Variants in ARB2A observed in about 807,000 individuals in gnomAD.
ARB2A encodes the protein cotranscriptional regulator ARB2A.
At chr5:93,623,627 C>A in the ARB2A span, among the ~76,000 whole-genome samples, 1 of 152,212 alleles carries the variant, frequency 6.6e-6, no homozygotes, top group African/African-American at 2.4e-5. Flanking sequence ...ACTGAAAAGA[C>A]CAGAGTCCCT....
chr5:93,808,174 C>A, the ARB2A span, among the ~76,000 whole-genome samples: 1 of 151,884 alleles, frequency 6.6e-6, no homozygotes, highest in African/African-American at 2.4e-5. Context: ...TCATACTGCC[C>A]GCGAATTCTT....
At chr5:93,642,824 T>C in the ARB2A span, among the ~76,000 whole-genome samples, 10 of 152,264 alleles carry the variant, frequency 6.6e-5, no homozygotes, top group South Asian at 2.1e-4. Flanking sequence ...CCAGCCCCTA[T>C]TGACAATTAC....
the ARB2A span, among the ~76,000 whole-genome samples, chr5:94,037,217 C>A: frequency 1.3e-5 from 2 of 152,088 alleles, no homozygotes; most frequent in African/African-American, 4.8e-5. Context: ...ATTATGTCAG[C>A]AACTGTTTTG....
chr5:93,724,864 C>T, the ARB2A span, among the ~76,000 whole-genome samples: 1 of 151,858 alleles, frequency 6.6e-6, no homozygotes, highest in South Asian at 2.1e-4. Context: ...CTACTCTTGC[C>T]CTTTGGGGTC....
chr5:93,955,563 C>A, the ARB2A span, among the ~76,000 whole-genome samples: 1 of 152,174 alleles, frequency 6.6e-6, no homozygotes, highest in Non-Finnish European at 1.5e-5. Flanking sequence ...ATTATTAAAA[C>A]TAATACCTAG....
chr5:93,762,128 T>C, the ARB2A span, among the ~76,000 whole-genome samples: 1 of 151,972 alleles, frequency 6.6e-6, no homozygotes, highest in Non-Finnish European at 1.5e-5. Context: ...AACTGGAAAC[T>C]CTAAAAATCA....
the ARB2A span, among the ~76,000 whole-genome samples, chr5:93,716,216 T>C: frequency 6.6e-6 from 1 of 152,220 alleles, no homozygotes; most frequent in Non-Finnish European, 1.5e-5. Flanking sequence ...TAGCCACGTA[T>C]AAATCTTGCT....
the ARB2A span, among the ~76,000 whole-genome samples, chr5:93,906,751 C>T: frequency 2.6e-5 from 4 of 151,462 alleles, no homozygotes; most frequent in African/African-American, 4.8e-5. Flanking sequence ...ACCCTACTTT[C>T]TGCTAACCCC....
chr5:94,035,331 T>A, the ARB2A span, among the ~76,000 whole-genome samples: 76 of 152,212 alleles, frequency 5.0e-4, 1 homozygote, highest in African/African-American at 1.8e-3. Flanking sequence ...GGAAATATAT[T>A]TTTTAAACAT....
At chr5:93,957,261 T>C in the ARB2A span, among the ~76,000 whole-genome samples, 1 of 152,178 alleles carries the variant, frequency 6.6e-6, no homozygotes, top group African/African-American at 2.4e-5. Context: ...AAGGCTTAGG[T>C]GATCTATAGC....
chr5:93,798,003 T>C, the ARB2A span, among the ~76,000 whole-genome samples: 1 of 151,886 alleles, frequency 6.6e-6, no homozygotes, highest in African/African-American at 2.4e-5. Context: ...AAAGAAGAAA[T>C]CTAGATTGAA....
chr5:93,645,749 A>G, the ARB2A span, among the ~76,000 whole-genome samples: 23 of 152,334 alleles, frequency 1.5e-4, no homozygotes, highest in Admixed American at 3.9e-4. Context: ...TATTTTATAC[A>G]TGCAAGACAA....
chr5:93,870,605 A>G, the ARB2A span, among the ~76,000 whole-genome samples: 16 of 152,192 alleles, frequency 1.1e-4, no homozygotes, highest in Non-Finnish European at 1.9e-4. Context: ...TGTCTATTTC[A>G]CTGTATTGAC....
chr5:93,675,797 G>A, the ARB2A span, among the ~76,000 whole-genome samples: 9 of 152,166 alleles, frequency 5.9e-5, no homozygotes, highest in Non-Finnish European at 1.0e-4. Flanking sequence ...TGCTGCATGA[G>A]AAATAGCCAA....
the ARB2A span, among the ~76,000 whole-genome samples, chr5:93,958,086 C>A: frequency 1.3e-5 from 2 of 151,692 alleles, no homozygotes; most frequent in Non-Finnish European, 2.9e-5. Context: ...TTAAAATATG[C>A]CAATATTATG....
At chr5:94,043,438 C>G in the ARB2A span, among the ~76,000 whole-genome samples, 8 of 152,186 alleles carry the variant, frequency 5.3e-5, 1 homozygote, top group African/African-American at 1.9e-4. Context: ...TCTGAGTATT[C>G]TTAACTTACA....
At chr5:93,840,378 T>C in the ARB2A span, among the ~76,000 whole-genome samples, 1 of 152,146 alleles carries the variant, frequency 6.6e-6, no homozygotes, top group African/African-American at 2.4e-5. Context: ...CAGAACCATA[T>C]TTAAATATTT....
the ARB2A span, among the ~76,000 whole-genome samples, chr5:93,930,689 C>G: frequency 6.6e-6 from 1 of 152,042 alleles, no homozygotes; most frequent in Non-Finnish European, 1.5e-5. Flanking sequence ...AAGAAAAACC[C>G]TCTTCTTGTT....
chr5:93,941,541 T>C, the ARB2A span, among the ~76,000 whole-genome samples: 1 of 152,134 alleles, frequency 6.6e-6, no homozygotes, highest in Non-Finnish European at 1.5e-5. Flanking sequence ...CCCAAGCCTT[T>C]TGACATACTT....
Sources: gnomAD v4.1 joint callset for allele counts (sites outside exome capture counted in the v4.1 genomes callset) on GRCh38, gnomAD v4.1.1 for gene constraint, MANE v1.5 for transcripts, NCBI Gene and HGNC (gene_info 2026-07-23, HGNC 2026-07-21) for gene names.